The following WDR17 variants were observed in gnomAD, a reference collection of about 807,000 sequenced individuals.
WDR17 encodes the protein WD repeat-containing protein 17.
WDR17 carries 143 observed loss-of-function variants against 161.7 expected under a neutral mutation model. The observed-to-expected ratio is 0.88, with a 90% CI of 0.77 to 1.02. The LOEUF (loss-of-function observed/expected upper bound fraction) is 1.02. Ranked by LOEUF, WDR17 falls within the 50% of genes least tolerant of loss-of-function variation. The pLI is 0.00. For missense variants in WDR17, 1,469 were observed against 1,520.9 expected (o/e 0.97, Z 0.57); for synonymous variants, 517 against 515.6 (o/e 1.00, Z -0.04).
At chr4:176,141,126 T>G (rs1256310570) in intron 10 of WDR17, among the ~76,000 whole-genome samples, 1 of 152,176 alleles carries the variant, frequency 6.6e-6, no homozygotes, top group Admixed American at 6.5e-5. Flanking sequence ...TGCACTGTGG[T>G]AATAATAGAC....
rs901387826 is a variant in WDR17, at chr4:176,182,401, GTGTGTATA to G, written c.*2824_*2831del. 37 of 40,582 alleles carry G rather than the reference GTGTGTATA, an allele frequency of 9.1e-4. 1 individual carries two copies. Among genetic ancestry groups the G allele is most frequent in the Non-Finnish European group, 2.4e-4 (5 of 21,190 alleles). 2.5% of individuals were successfully genotyped at this position (40,582 alleles called of 1,614,324 possible). A position where few individuals can be genotyped will look rare whatever the true frequency, so the allele number is the denominator to read the frequency against. On this transcript the variant is annotated 3_prime_UTR_variant, in exon 29 of 29. Transcript: ENST00000508596. This position sits in a 1 kb window ranked among gnomAD's most constrained non-coding sequence, Gnocchi z 4.2. ...ATGAAATATATATATGTGCGTGTGTGTGTGTATATATATATATATATATATATATTTCT... is the reference window on the plus strand; with the variant it reads ...ATGAAATATATATATGTGCGTGTGTGTATATATATATATATATATATTTCT...
rs1166098364 is a variant in WDR17 at position 176,135,291 on chromosome 4, A to G, written c.1267+15A>G. On this transcript the variant is annotated intron_variant, in intron 8 of 28. Coordinates refer to ENST00000508596, the MANE Select transcript of WDR17 (RefSeq NM_181265.4). ...TTGGGCTCCAGGTAAGAGATATTTT[A>G]TTGAAATTAGGAATACAATGAAATG... 2 of 1,611,044 alleles carry G rather than the reference A, an allele frequency of 1.2e-6. No homozygotes were observed. The highest frequency in any genetic ancestry group is 1.7e-6 in the Non-Finnish European group (2 of 1,177,738).
intron 10 of WDR17, among the ~76,000 whole-genome samples, chr4:176,140,461 A>G (rs892380169): frequency 3.3e-5 from 5 of 152,172 alleles, no homozygotes; most frequent in African/African-American, 1.2e-4. Context: ...TTGTTAGGAA[A>G]TAACTTCACT....
At chr4:176,133,176 TTATTTTTA>T (rs1215825119) in intron 7 of WDR17, among the ~76,000 whole-genome samples, 9 of 83,402 alleles carry the variant, frequency 1.1e-4, no homozygotes, top group Non-Finnish European at 1.5e-4. Context: ...AAACAATTTT[TTATTTTTA>T]TTTTTTTTTT....
intron 1 of WDR17, among the ~76,000 whole-genome samples, chr4:176,072,287 A>G (rs1198791214): frequency 2.6e-5 from 4 of 152,204 alleles, no homozygotes; most frequent in African/African-American, 9.6e-5. Flanking sequence ...TTTTTCTTCC[A>G]ACTCATCTTT....
chr4:176,090,509 C>G (rs1227617434), intron 1 of WDR17, among the ~76,000 whole-genome samples: 2 of 152,130 alleles, frequency 1.3e-5, no homozygotes, highest in African/African-American at 4.8e-5. Context: ...AGACAGGTCA[C>G]ATTATTCTAG....
intron 1 of WDR17, among the ~76,000 whole-genome samples, chr4:176,093,605 A>T (rs1224303953): frequency 1.3e-5 from 2 of 152,188 alleles, no homozygotes; most frequent in Non-Finnish European, 2.9e-5. Flanking sequence ...TTTTAATGAA[A>T]TATCAATTAG....
At position 176,119,895 on chromosome 4, in the gene WDR17, G is replaced by C. The variant is rs756731512; in HGVS notation, c.336G>C (p.Trp112Cys). The change falls in exon 4 of 29, where the codon TGG becomes TGC. Residue 112 changes from tryptophan (W) to cysteine (C), a missense_variant. Trp to Cys is a radical substitution (Grantham distance 215). Coordinates refer to ENST00000508596, the MANE Select transcript of WDR17 (RefSeq NM_181265.4). ...TCCCTGCTTCTCTTAGTTGGTGCTG[G>C]AATGCAGAGGATGTGGTGGCATTTG... Reference protein sequence around the residue: ...KGIPASLSWCWNAEDVVAFVS... With the variant: ...KGIPASLSWCCNAEDVVAFVS... The C allele has an allele frequency of 9.3e-6, 15 of 1,614,060 alleles. 1 individual carries two copies. The South Asian group carries it at 1.6e-4, about 18-fold the overall frequency.
At chr4:176,105,313 T>G (rs765935915) in intron 1 of WDR17, among the ~76,000 whole-genome samples, 2 of 151,960 alleles carry the variant, frequency 1.3e-5, no homozygotes, top group Non-Finnish European at 2.9e-5. Flanking sequence ...AATGAATACA[T>G]CAGACAGAAA....
intron 1 of WDR17, among the ~76,000 whole-genome samples, chr4:176,104,002 G>A (rs1033092487): frequency 6.6e-6 from 1 of 152,090 alleles, no homozygotes; most frequent in Non-Finnish European, 1.5e-5. Context: ...AGTGAATCTT[G>A]AAATTAGTAA....
chr4:176,108,129 C>T (rs1380535947), intron 1 of WDR17, among the ~76,000 whole-genome samples: 1 of 151,982 alleles, frequency 6.6e-6, no homozygotes, highest in Non-Finnish European at 1.5e-5. Flanking sequence ...ACCTTACACT[C>T]CTGGTTGCAC....
intron 10 of WDR17, 109 bp from the exon 11 acceptor site, chr4:176,141,874 A>G: frequency 1.1e-6 from 1 of 875,702 alleles, no homozygotes; most frequent in Middle Eastern, 3.8e-4. Context: ...TGTAGACAAA[A>G]TCTCTATCCT....
chr4:176,067,287 A>G (rs1221766396), intron 1 of WDR17, among the ~76,000 whole-genome samples: 2 of 152,216 alleles, frequency 1.3e-5, no homozygotes, highest in Non-Finnish European at 2.9e-5. Flanking sequence ...AAAGTTGTCA[A>G]TTCGTTAATA....
At chr4:176,163,079 T>C in intron 21 of WDR17, 75 bp from the exon 22 acceptor site, 1 of 1,560,904 alleles carries the variant, frequency 6.4e-7, no homozygotes, top group African/African-American at 1.4e-5. Context: ...TTTATCTGCT[T>C]TATGAGCTTG....
chr4:176,074,362 T>A (rs1327052195), intron 1 of WDR17, among the ~76,000 whole-genome samples: 1 of 101,690 alleles, frequency 9.8e-6, no homozygotes, highest in Non-Finnish European at 2.4e-5. Context: ...CCACAGATTA[T>A]CTTGAGAGAT....
Position 176,125,292 on chromosome 4 carries a change from G to T in WDR17, c.727G>T (p.Ala243Ser). 6.2e-7 allele frequency: 1 copy of T among 1,614,112 alleles called. No individual in the cohort carries two copies. Among genetic ancestry groups the T allele is most frequent in the Non-Finnish European group, 8.5e-7 (1 of 1,179,998 alleles). Reference protein sequence around the residue: ...SCITTFNLPSAAASVQCLAWV... With the variant: ...SCITTFNLPSSAASVQCLAWV... ...CATAACAACATTTAATCTTCCCAGTGCAGCAGCTTCTGTACAGTGCTTAGC... is the reference window on the plus strand; with the variant it reads ...CATAACAACATTTAATCTTCCCAGTTCAGCAGCTTCTGTACAGTGCTTAGC... The change falls in exon 5 of 29, where the codon GCA becomes TCA. Residue 243 changes from alanine to serine, a missense_variant. By Grantham distance (99) the Ala-to-Ser change is moderately conservative. Transcript: ENST00000508596.
chr4:176,092,053 T>C (rs938276797), intron 1 of WDR17, among the ~76,000 whole-genome samples: 5 of 152,152 alleles, frequency 3.3e-5, no homozygotes, highest in African/African-American at 1.2e-4. Flanking sequence ...CCTCAAATTA[T>C]TCTATAAAAT....
At chr4:176,160,161 A>T in intron 19 of WDR17, 35 bp downstream of exon 19, 1 of 1,609,414 alleles carries the variant, frequency 6.2e-7, no homozygotes, top group Non-Finnish European at 8.5e-7. Context: ...CACATACATG[A>T]ATGCTTGAGC....
chr4:176,149,986 A>AT, intron 14 of WDR17, 30 bp downstream of exon 14: 1 of 1,609,810 alleles, frequency 6.2e-7, no homozygotes, highest in Non-Finnish European at 8.5e-7. Context: ...ATTAGAGTTT[A>AT]TTTCTAAATA....
Sources: allele counts gnomAD v4.1 joint callset (sites outside exome capture counted in the v4.1 genomes callset), GRCh38; gene constraint gnomAD v4.1.1; non-coding constraint Gnocchi (gnomAD v3.1); transcripts MANE v1.5; gene names NCBI Gene and HGNC (gene_info 2026-07-23, HGNC 2026-07-21).